CDKAL1: variants seen among roughly 807,000 people sequenced by gnomAD.
CDKAL1 encodes threonylcarbamoyladenosine tRNA methylthiotransferase.
CDKAL1 carries 32 observed loss-of-function variants against 68.2 expected under a neutral mutation model. The ratio of observed to expected loss-of-function variants is 0.47; its 90% CI spans 0.35 to 0.63. The LOEUF (loss-of-function observed/expected upper bound fraction) is 0.63, where lower values mean the gene tolerates loss of function less well. Among genes scored for constraint, CDKAL1 ranks in the 30% least tolerant of loss-of-function variants. The probability of loss-of-function intolerance (pLI) is 0.00; values close to 1 mark genes in which losing one functional copy is unlikely to be tolerated. For synonymous variants in CDKAL1, 234 were observed against 244.3 expected (o/e 0.96, Z 0.39); for missense variants, 606 against 696.7 (o/e 0.87, Z 1.47).
intron 4 of CDKAL1, among the ~76,000 whole-genome samples, chr6:20,607,758 G>A (rs1277333122): frequency 1.3e-5 from 2 of 151,476 alleles, no homozygotes; most frequent in Non-Finnish European, 2.9e-5. Context: ...GCAGTGGTGC[G>A]ATCTCAGCTC....
At chr6:21,098,542 T>G (rs1465222875) in intron 12 of CDKAL1, among the ~76,000 whole-genome samples, 2 of 149,312 alleles carry the variant, frequency 1.3e-5, no homozygotes, top group Non-Finnish European at 3.0e-5. Context: ...AGCTTTTTTT[T>G]TTTTTTTTTT....
intron 15 of CDKAL1, among the ~76,000 whole-genome samples, chr6:21,210,697 T>C (rs1779120055): frequency 6.6e-6 from 1 of 152,184 alleles, no homozygotes; most frequent in Non-Finnish European, 1.5e-5. Context: ...AGTTGGAAGA[T>C]AGGAGATCTC....
chr6:20,899,270 G>A (rs1761852030), intron 9 of CDKAL1, among the ~76,000 whole-genome samples: 1 of 151,686 alleles, frequency 6.6e-6, no homozygotes, highest in Non-Finnish European at 1.5e-5. Flanking sequence ...TCACCATGTT[G>A]GCCAGGATGG....
intron 11 of CDKAL1, among the ~76,000 whole-genome samples, chr6:21,019,188 A>C (rs942427017): frequency 6.6e-6 from 1 of 152,144 alleles, no homozygotes; most frequent in Non-Finnish European, 1.5e-5. Context: ...ACCTCAAGTA[A>C]TCTGCCCACC....
At chr6:21,042,216 A>T (rs2150896447) in intron 11 of CDKAL1, among the ~76,000 whole-genome samples, 1 of 152,124 alleles carries the variant, frequency 6.6e-6, no homozygotes, top group Admixed American at 6.5e-5. Flanking sequence ...AATCCCATGT[A>T]TTGGTCTTCT....
chr6:20,923,047 G>A (rs1259639995), intron 9 of CDKAL1, among the ~76,000 whole-genome samples: 3 of 152,068 alleles, frequency 2.0e-5, no homozygotes, highest in Non-Finnish European at 4.4e-5. Context: ...AAGGTATTTG[G>A]GGGAGAAAAG....
intron 11 of CDKAL1, among the ~76,000 whole-genome samples, chr6:21,041,852 T>G (rs1290323923): frequency 1.3e-5 from 2 of 152,316 alleles, no homozygotes; most frequent in East Asian, 3.9e-4. Context: ...CCTTCATGTT[T>G]CATGTGTATC....
At chr6:20,999,384 AC>A (rs1310775598) in intron 10 of CDKAL1, among the ~76,000 whole-genome samples, 2 of 152,070 alleles carry the variant, frequency 1.3e-5, no homozygotes, top group Non-Finnish European at 2.9e-5. Flanking sequence ...ATGAATGGTG[AC>A]ATTACAGAAC....
rs147435615 is a variant in CDKAL1 at position 20,637,284 on chromosome 6, C to T, written c.287-12009C>T. 4.2e-3 allele frequency among the ~76,000 whole-genome samples: 641 copies of T among 151,964 alleles called. 21 individuals carry two copies. Among genetic ancestry groups the T allele is most frequent in the Admixed American group, 0.034 (512 of 15,270 alleles). On this transcript the variant is annotated intron_variant, in intron 4 of 15. Transcript: ENST00000274695. ...GGGGGAGTAAACAAATGAGGAAGGC[C>T]GGGCACAGTGGCTCACACCTGTAAT... is the stretch of plus-strand genomic sequence containing the variant.
intron 4 of CDKAL1, among the ~76,000 whole-genome samples, chr6:20,562,840 G>A (rs569701411): frequency 6.6e-6 from 1 of 152,094 alleles, no homozygotes; most frequent in Non-Finnish European, 1.5e-5. Context: ...TGTCCTATAC[G>A]GTGCTTTTTC....
intron 9 of CDKAL1, among the ~76,000 whole-genome samples, chr6:20,883,428 C>G (rs553848683): frequency 2.8e-4 from 43 of 152,342 alleles, no homozygotes; most frequent in African/African-American, 9.6e-4. Flanking sequence ...GTTCCCTCCC[C>G]CTGAATGTGG....
intron 9 of CDKAL1, among the ~76,000 whole-genome samples, chr6:20,938,149 T>C (rs1260885505): frequency 6.6e-6 from 1 of 152,238 alleles, no homozygotes; most frequent in African/African-American, 2.4e-5. Context: ...CTTTAAATTC[T>C]ACTACTGTCA....
intron 9 of CDKAL1, among the ~76,000 whole-genome samples, chr6:20,875,066 G>A (rs1323771748): frequency 1.3e-5 from 2 of 151,800 alleles, no homozygotes; most frequent in South Asian, 2.1e-4. Flanking sequence ...TTGGGAGGCC[G>A]AGGCGGGTGG....
chr6:21,002,656 T>TAA (rs1767488865), intron 11 of CDKAL1, among the ~76,000 whole-genome samples: 1 of 146,414 alleles, frequency 6.8e-6, no homozygotes, highest in Non-Finnish European at 1.5e-5. Context: ...GTAACCTATT[T>TAA]TAAAAAAAAA....
intron 8 of CDKAL1, among the ~76,000 whole-genome samples, chr6:20,840,516 C>A (rs1778132934): frequency 6.6e-6 from 1 of 152,172 alleles, no homozygotes; most frequent in African/African-American, 2.4e-5. Flanking sequence ...TCCGAAAGTT[C>A]ACAATTGAAG....
intron 5 of CDKAL1, among the ~76,000 whole-genome samples, chr6:20,662,033 G>A (rs1769306598): frequency 6.6e-6 from 1 of 152,004 alleles, no homozygotes; most frequent in Admixed American, 6.6e-5. Flanking sequence ...TATTGTTTTG[G>A]TTTGAAAGAC....
At chr6:20,935,691 A>G (rs1311407617) in intron 9 of CDKAL1, among the ~76,000 whole-genome samples, 1 of 152,078 alleles carries the variant, frequency 6.6e-6, no homozygotes, top group Non-Finnish European at 1.5e-5. Context: ...CGGCCTCCCA[A>G]AGTGTTGGGA....
At chr6:21,106,589 CAA>C (rs1434924015) in intron 12 of CDKAL1, among the ~76,000 whole-genome samples, 1 of 152,036 alleles carries the variant, frequency 6.6e-6, no homozygotes, top group East Asian at 1.9e-4. Flanking sequence ...GTAATAATAA[CAA>C]GAGTACAATT....
At chr6:20,988,215 T>TGTGTGTGC (rs1766591343) in intron 10 of CDKAL1, among the ~76,000 whole-genome samples, 1 of 151,304 alleles carries the variant, frequency 6.6e-6, no homozygotes, top group Admixed American at 6.6e-5. Context: ...TGTGTGTGTG[T>TGTGTGTGC]GTGTAGTGAG....
Sources: allele counts gnomAD v4.1 joint callset (sites outside exome capture counted in the v4.1 genomes callset), GRCh38; gene constraint gnomAD v4.1.1; transcripts MANE v1.5; gene names NCBI Gene and HGNC (gene_info 2026-07-23, HGNC 2026-07-21).